Variants in PIEZO2 observed in about 807,000 individuals in gnomAD.
PIEZO2 encodes the protein piezo-type mechanosensitive ion channel component 2.
A neutral mutation model predicts 337.3 loss-of-function variants in PIEZO2; 172 were observed. The observed-to-expected ratio is 0.51, with a 90% CI of 0.45 to 0.58. The LOEUF is 0.58. Ranked by LOEUF, PIEZO2 falls within the 20% of genes least tolerant of loss-of-function variation. The probability of loss-of-function intolerance (pLI) is 0.00; values close to 1 mark genes in which losing one functional copy is unlikely to be tolerated. For synonymous variants in PIEZO2, 1,251 were observed against 1,228.5 expected (o/e 1.02, Z -0.38); for missense variants, 3,028 against 3,391.3 (o/e 0.89, Z 2.66).
chr18:10,882,834 C>CTTTTTTTTTTTTTTTTTT lies in PIEZO2; in HGVS notation c.330-11420_330-11419insAAAAAAAAAAAAAAAAAA, dbSNP rs745618117. 4.5e-5 allele frequency among the ~76,000 whole-genome samples: 5 copies of CTTTTTTTTTTTTTTTTTT among 109,984 alleles called. 2 individuals carry two copies. The highest frequency in any genetic ancestry group is 9.2e-5 in the Non-Finnish European group (5 of 54,602). The allele number at this position is 109,984 out of a possible 152,430, so 72.2% of individuals were successfully genotyped here. A position where few individuals can be genotyped will look rare whatever the true frequency, so the allele number is the denominator to read the frequency against. ...CCATTGTGCATATGTACCACATTTT[C>CTTTTTTTTTTTTTTTTTT]TTTTTTTCTTTTTTTTTTTTTTTGA... On this transcript the variant is annotated intron_variant, in intron 4 of 55. Coordinates refer to ENST00000674853, the MANE Select transcript of PIEZO2 (RefSeq NM_001378183.1).
intron 34 of PIEZO2, among the ~76,000 whole-genome samples, 162 bp downstream of exon 34, chr18:10,736,442 T>C (rs2036997654): frequency 6.6e-6 from 1 of 151,914 alleles, no homozygotes; most frequent in African/African-American, 2.4e-5. Flanking sequence ...GGAGCAGGCA[T>C]CATTACAATT....
At chr18:10,891,514 T>C (rs1013022084) in intron 4 of PIEZO2, among the ~76,000 whole-genome samples, 2 of 152,190 alleles carry the variant, frequency 1.3e-5, no homozygotes, top group African/African-American at 4.8e-5. Flanking sequence ...GTTACATACA[T>C]GATGTACCGC....
chr18:10,750,058 C>T lies in PIEZO2; in HGVS notation c.4264+33G>A, dbSNP rs2037586641. 1.4e-6 allele frequency: 2 copies of T among 1,454,868 alleles called. No individual in the cohort carries two copies. Among genetic ancestry groups the T allele is most frequent in the South Asian group, 1.2e-5 (1 of 82,296 alleles). The allele number at this position is 1,454,868 out of a possible 1,614,324, so 90.1% of individuals were successfully genotyped here. On this transcript the variant is annotated intron_variant, in intron 29 of 55. Coordinates refer to ENST00000674853, the MANE Select transcript of PIEZO2 (RefSeq NM_001378183.1). The surrounding 1 kb of genome is among the most constrained non-coding windows in gnomAD (Gnocchi z 4.1). ...AATACAACTATCCTCCCTCTTCTGC[C>T]TTTCTGCCTTCACACTTGCTTTTCA...
At position 11,129,141 on chromosome 18, in the gene PIEZO2, T is replaced by C. The variant is rs940707032; in HGVS notation, c.64+19384A>G. Among the ~76,000 whole-genome samples, 1 of 152,196 alleles carries C rather than the reference T, an allele frequency of 6.6e-6. No homozygotes were observed. The highest frequency in any genetic ancestry group is 2.4e-5 in the African/African-American group (1 of 41,452). Reference sequence around the variant, plus strand: ...TGGGATGGTGGAGTGGATTAGTCACTTTAGACCTACGCATCCCAGCTGAGA... The same window carrying C: ...TGGGATGGTGGAGTGGATTAGTCACCTTAGACCTACGCATCCCAGCTGAGA... On this transcript the variant is annotated intron_variant, in intron 1 of 55. Transcript: ENST00000674853. The surrounding 1 kb of genome is among the most constrained non-coding windows in gnomAD (Gnocchi z 4.6).
chr18:10,925,485 T>C (rs1442189644), intron 3 of PIEZO2, among the ~76,000 whole-genome samples: 1 of 151,974 alleles, frequency 6.6e-6, no homozygotes, highest in Non-Finnish European at 1.5e-5. Context: ...GGACAGGTGA[T>C]AAAAATAATC....
chr18:11,115,527 G>T (rs543231563), intron 1 of PIEZO2, among the ~76,000 whole-genome samples: 2 of 152,264 alleles, frequency 1.3e-5, no homozygotes, highest in Admixed American at 1.3e-4. Context: ...AACCATCCAA[G>T]TAATAACCAC....
In PIEZO2 at chr18:11,077,793, C is replaced by T. The variant is rs79675836; in HGVS notation, c.65-11571G>A. Among the ~76,000 whole-genome samples the T allele has an allele frequency of 0.1, 15,402 of 152,138 alleles. 825 individuals are homozygous for T. The highest frequency in any genetic ancestry group is 0.14 in the Middle Eastern group (42 of 292). The stretch of plus-strand genomic sequence containing the variant: ...TGTCAAAAACAGGTAGATACTAACA[C>T]GTTCAGTTCAACATAAAATAAGGTG... On this transcript the variant is annotated intron_variant, in intron 1 of 55. Transcript: ENST00000674853. The surrounding 1 kb of genome is among the most constrained non-coding windows in gnomAD (Gnocchi z 4.8).
At chr18:10,937,052 C>T (rs557188676) in intron 3 of PIEZO2, among the ~76,000 whole-genome samples, 1 of 152,314 alleles carries the variant, frequency 6.6e-6, no homozygotes, top group Non-Finnish European at 1.5e-5. Context: ...CTACAACAGA[C>T]TATCCAGCTT....
intron 4 of PIEZO2, among the ~76,000 whole-genome samples, chr18:10,907,411 C>G (rs1381384442): frequency 6.6e-6 from 1 of 151,264 alleles, no homozygotes; most frequent in African/African-American, 2.4e-5. Context: ...CCGCTGCATT[C>G]CAGTCTGGGC....
intron 8 of PIEZO2, among the ~76,000 whole-genome samples, chr18:10,805,256 G>A (rs1387767222): frequency 2.6e-5 from 4 of 152,378 alleles, no homozygotes; most frequent in African/African-American, 9.6e-5. Flanking sequence ...GCTCATGCCT[G>A]TAATCCCAGC....
intron 30 of PIEZO2, among the ~76,000 whole-genome samples, chr18:10,745,203 C>T (rs2037375236): frequency 6.6e-6 from 1 of 152,206 alleles, no homozygotes. Flanking sequence ...TCTGACTAGG[C>T]CTGCCTTGTG....
chr18:10,985,153 A>T (rs1188517174), intron 2 of PIEZO2, among the ~76,000 whole-genome samples: 1 of 152,128 alleles, frequency 6.6e-6, no homozygotes, highest in Non-Finnish European at 1.5e-5. Flanking sequence ...TATAAAACTC[A>T]CTGGTAGAGA....
rs1249296381 is a variant in PIEZO2, at chr18:10,782,368, T to C, written c.2493-2002A>G. On this transcript the variant is annotated intron_variant, in intron 17 of 55. Transcript: ENST00000674853. The stretch of plus-strand genomic sequence containing the variant: ...ATAATATATTATAATTATATATAAA[T>C]AATTATAATATATTATAATTATATA... Among the ~76,000 whole-genome samples, 59 of 82,716 alleles carry C rather than the reference T, an allele frequency of 7.1e-4. 1 individual carries two copies. The highest frequency in any genetic ancestry group is 2.9e-3 in the Admixed American group (14 of 4,810). 54.3% of individuals were successfully genotyped at this position (82,716 alleles called of 152,430 possible). A position where few individuals can be genotyped will look rare whatever the true frequency, so the allele number is the denominator to read the frequency against.
chr18:10,932,856 C>T (rs777274162), intron 3 of PIEZO2, among the ~76,000 whole-genome samples: 11 of 151,640 alleles, frequency 7.3e-5, no homozygotes, highest in African/African-American at 1.2e-4. Flanking sequence ...CCTAGGAGAT[C>T]GAGGCTGCAG....
chr18:10,789,800 T>C (rs935389191), intron 14 of PIEZO2, among the ~76,000 whole-genome samples: 2 of 152,204 alleles, frequency 1.3e-5, no homozygotes, highest in African/African-American at 4.8e-5. Context: ...AGTATACTTT[T>C]AAATAACTAA....
At chr18:11,138,882 T>C (rs1013437306) in intron 1 of PIEZO2, among the ~76,000 whole-genome samples, 6 of 152,182 alleles carry the variant, frequency 3.9e-5, no homozygotes, top group African/African-American at 1.4e-4. Context: ...CTGATGTATC[T>C]GATTGGGGAG....
chr18:10,678,773 C>T (rs1427583885), intron 52 of PIEZO2, among the ~76,000 whole-genome samples: 2 of 152,102 alleles, frequency 1.3e-5, no homozygotes, highest in African/African-American at 2.4e-5. Flanking sequence ...CACGTGCTGG[C>T]CACTGGCTCA....
chr18:10,702,396 C>A (rs1171189723), intron 42 of PIEZO2, among the ~76,000 whole-genome samples: 4 of 152,152 alleles, frequency 2.6e-5, no homozygotes, highest in Non-Finnish European at 4.4e-5. Flanking sequence ...CACTGTAGAT[C>A]CAGCAAGGCC....
chr18:10,809,907 C>G (rs1055425824), intron 7 of PIEZO2, among the ~76,000 whole-genome samples: 1 of 152,166 alleles, frequency 6.6e-6, no homozygotes, highest in Non-Finnish European at 1.5e-5. Context: ...TGTCTTAAAT[C>G]TCTCCATAGA....
Sources: gnomAD v4.1 joint callset for allele counts (sites outside exome capture counted in the v4.1 genomes callset) on GRCh38, gnomAD v4.1.1 for gene constraint, Gnocchi (gnomAD v3.1) non-coding constraint, MANE v1.5 for transcripts, NCBI Gene and HGNC (gene_info 2026-07-23, HGNC 2026-07-21) for gene names.